The following MAL variants were observed in gnomAD, a reference collection of about 807,000 sequenced individuals.
The protein encoded by MAL is mal, T cell differentiation protein (MAL blood group), also known as myelin and lymphocyte protein.
In MAL, 5 loss-of-function variants were observed where a neutral mutation model predicts 16.7. The observed-to-expected ratio is 0.30, with a 90% CI of 0.16 to 0.63. The LOEUF (loss-of-function observed/expected upper bound fraction) is 0.63, where lower values mean the gene tolerates loss of function less well. MAL is among the 30% of genes least tolerant of loss of function. The probability of loss-of-function intolerance (pLI) is 0.82; values close to 1 mark genes in which losing one functional copy is unlikely to be tolerated. For synonymous variants in MAL, 96 were observed against 85.5 expected, an observed-to-expected ratio of 1.12 and a Z score of -0.67; for missense variants, 202 against 195.8, an observed-to-expected ratio of 1.03 and a Z score of -0.19.
intron 3 of MAL, among the ~76,000 whole-genome samples, chr2:95,052,720 G>A (rs372472322): frequency 2.6e-5 from 4 of 152,310 alleles, no homozygotes; most frequent in African/African-American, 9.6e-5. Context: ...TCCCCAGAAA[G>A]CAGGGCCATC....
intron 3 of MAL, among the ~76,000 whole-genome samples, chr2:95,050,791 T>G (rs1418766372): frequency 6.6e-6 from 1 of 152,164 alleles, no homozygotes; most frequent in Non-Finnish European, 1.5e-5. Context: ...GGTCCCGCGG[T>G]GTGGAAACAT....
intron 1 of MAL, among the ~76,000 whole-genome samples, chr2:95,047,694 G>A (rs944921877): frequency 3.3e-5 from 5 of 152,218 alleles, no homozygotes; most frequent in African/African-American, 1.2e-4. Flanking sequence ...TCACGCCTGG[G>A]TGACAGAGCA....
In MAL at chr2:95,053,629, C is replaced by T. The variant is rs550895681; in HGVS notation, c.*174C>T. On this transcript the variant is annotated 3_prime_UTR_variant, in exon 4 of 4. Transcript: ENST00000309988. ...CTGTTGCTCGTGGGTGCTGTGTTTACTCTCCCGTGTGCCTTCGCGTCCGGG... is the reference window on the plus strand; with the variant it reads ...CTGTTGCTCGTGGGTGCTGTGTTTATTCTCCCGTGTGCCTTCGCGTCCGGG... 4.9e-6 allele frequency: 3 copies of T among 609,760 alleles called. No individual in the cohort carries two copies. The highest frequency in any genetic ancestry group is 8.7e-6 in the Non-Finnish European group (3 of 346,336). The allele number at this position is 609,760 out of a possible 1,614,324, so 37.8% of individuals were successfully genotyped here.
At chr2:95,026,253 T>G (rs1366553234) in intron 1 of MAL, 1 of 198,020 alleles carries the variant, frequency 5.0e-6, no homozygotes, top group Non-Finnish European at 1.0e-5. Context: ...TTTGCGCGGT[T>G]GGGTAGAAGT....
At chr2:95,040,834 T>G (rs1337394793) in intron 1 of MAL, among the ~76,000 whole-genome samples, 6 of 152,178 alleles carry the variant, frequency 3.9e-5, no homozygotes, top group Non-Finnish European at 8.8e-5. Context: ...GTGCACAGCC[T>G]CTGTTCTGTG....
Position 95,025,768 on chromosome 2 carries a change from C to G in MAL, c.-25C>G. Reference sequence around the variant, plus strand: ...GAGTCTGAGCGGCGCTCGTCCCGTCCCAAGGCCGACGCCAGCACGCCGTCA... The same window carrying G: ...GAGTCTGAGCGGCGCTCGTCCCGTCGCAAGGCCGACGCCAGCACGCCGTCA... On this transcript the variant is annotated 5_prime_UTR_variant, in exon 1 of 4. Transcript: ENST00000309988. The surrounding 1 kb of genome is among the most constrained non-coding windows in gnomAD (Gnocchi z 5.6). 4 of 1,507,768 alleles carry G rather than the reference C, an allele frequency of 2.7e-6. No homozygotes were observed. Among genetic ancestry groups the G allele is most frequent in the Non-Finnish European group, 3.6e-6 (4 of 1,121,798 alleles). 93.4% of individuals were successfully genotyped at this position (1,507,768 alleles called of 1,614,324 possible).
At chr2:95,048,219 A>G in intron 2 of MAL, 93 bp downstream of exon 2, 1 of 1,309,280 alleles carries the variant, frequency 7.6e-7, no homozygotes, top group Non-Finnish European at 1.1e-6. Context: ...GTGCCAGGTG[A>G]GACTTCTCCG....
In MAL at chr2:95,032,230, C is replaced by T. The variant is rs138359280; in HGVS notation, c.93+6345C>T. Reference sequence around the variant, plus strand: ...GAATTTTGCACCTATACTCGCCACACCAGCAGGCGAGGGGCAGAGCATATT... The same window carrying T: ...GAATTTTGCACCTATACTCGCCACATCAGCAGGCGAGGGGCAGAGCATATT... On this transcript the variant is annotated intron_variant, in intron 1 of 3. Transcript: ENST00000309988. Among the ~76,000 whole-genome samples, 56 of 152,378 alleles carry T rather than the reference C, an allele frequency of 3.7e-4. No individual in the cohort carries two copies. The East Asian group carries it at 0.01, about 28-fold the overall frequency.
intron 1 of MAL, among the ~76,000 whole-genome samples, chr2:95,037,488 GTGAGTGAC>G (rs1246348057): frequency 7.3e-5 from 11 of 151,424 alleles, no homozygotes; most frequent in East Asian, 5.9e-4. Context: ...GAGTGACTGA[GTGAGTGAC>G]TGAGTGACTG....
intron 1 of MAL, among the ~76,000 whole-genome samples, chr2:95,040,000 G>A (rs1674405182): frequency 6.6e-6 from 1 of 152,078 alleles, no homozygotes; most frequent in South Asian, 2.1e-4. Flanking sequence ...CTCCTGCTCT[G>A]TGCATATTCA....
chr2:95,035,453 G>A (rs1163786756), intron 1 of MAL, among the ~76,000 whole-genome samples: 1 of 152,132 alleles, frequency 6.6e-6, no homozygotes, highest in Non-Finnish European at 1.5e-5. Context: ...GATCTGAGAG[G>A]AGTTTTTGTG....
chr2:95,050,618 C>T (rs1437795921), intron 3 of MAL, among the ~76,000 whole-genome samples: 1 of 152,192 alleles, frequency 6.6e-6, no homozygotes, highest in Non-Finnish European at 1.5e-5. Flanking sequence ...TGCCTCTTCC[C>T]ACTCCCAGAA....
chr2:95,048,323 G>A (rs1674637431), intron 2 of MAL, among the ~76,000 whole-genome samples, 197 bp downstream of exon 2: 1 of 152,144 alleles, frequency 6.6e-6, no homozygotes, highest in African/African-American at 2.4e-5. Flanking sequence ...GGTCGCCGCT[G>A]CCAACCCTCA....
chr2:95,025,933 G>A lies in MAL; in HGVS notation c.93+48G>A. 1 of 1,456,466 alleles carries A rather than the reference G, an allele frequency of 6.9e-7. No individual in the cohort carries two copies. The highest frequency in any genetic ancestry group is 9.3e-7 in the Non-Finnish European group (1 of 1,078,118). 90.2% of individuals were successfully genotyped at this position (1,456,466 alleles called of 1,614,324 possible). A position where few individuals can be genotyped will look rare whatever the true frequency, so the allele number is the denominator to read the frequency against. On this transcript the variant is annotated intron_variant, in intron 1 of 3. Transcript: ENST00000309988. This position sits in a 1 kb window ranked among gnomAD's most constrained non-coding sequence, Gnocchi z 5.6. The stretch of plus-strand genomic sequence containing the variant: ...AGGGACGGGGTGGGCTGAGCCGTGC[G>A]CTCTCTCGGGCGCCCAGCACAGCTG...
intron 1 of MAL, 66 bp from the exon 2 acceptor site, chr2:95,047,893 T>C (rs1674626232): frequency 6.6e-7 from 1 of 1,523,690 alleles, no homozygotes; most frequent in Admixed American, 1.8e-5. Flanking sequence ...TGACCGCTGG[T>C]CGGGGGCCCT....
At position 95,039,463 on chromosome 2, in the gene MAL, G is replaced by GGTGA. The variant is rs1415135698; in HGVS notation, c.94-8485_94-8482dup. Among the ~76,000 whole-genome samples the GGTGA allele has an allele frequency of 9.7e-5, 9 of 93,162 alleles. No homozygotes were observed. In the East Asian group the frequency reaches 2.2e-3, roughly 23 times the overall value. The allele number at this position is 93,162 out of a possible 152,430, so 61.1% of individuals were successfully genotyped here. A position where few individuals can be genotyped will look rare whatever the true frequency, so the allele number is the denominator to read the frequency against. On this transcript the variant is annotated intron_variant, in intron 1 of 3. Coordinates refer to ENST00000309988, the MANE Select transcript of MAL (RefSeq NM_002371.4). ...GAGTGAGTGAGTGAGTGAGTGAGTG[G>GGTGA]GTGAGTGAGTGAGTAAGTGACTGAG...
intron 1 of MAL, among the ~76,000 whole-genome samples, chr2:95,028,492 T>C (rs958330400): frequency 6.6e-6 from 1 of 152,086 alleles, no homozygotes; most frequent in Admixed American, 6.5e-5. Flanking sequence ...GAATGTGAAA[T>C]GGTTCAGCCA....
Position 95,038,660 on chromosome 2 carries a change from GTGACTGAGTGAGTGAC to G in MAL, c.94-9279_94-9264del, listed in dbSNP as rs1362571567. ...AGTGACTGAGTGAGTGAGTGACTGT[GTGACTGAGTGAGTGAC>G]TGACTGAGTGAGTGACTGAGTGACT... On this transcript the variant is annotated intron_variant, in intron 1 of 3. Transcript: ENST00000309988. Among the ~76,000 whole-genome samples, 7 of 149,738 alleles carry G rather than the reference GTGACTGAGTGAGTGAC, an allele frequency of 4.7e-5. No homozygotes were observed. The East Asian group carries it at 1.0e-3, about 21-fold the overall frequency.
chr2:95,031,695 G>A (rs1275536923), intron 1 of MAL, among the ~76,000 whole-genome samples: 7 of 152,220 alleles, frequency 4.6e-5, no homozygotes, highest in Non-Finnish European at 8.8e-5. Context: ...GGCAGGCCCC[G>A]CTTGGCCAGA....
Sources: gnomAD v4.1 joint callset for allele counts (sites outside exome capture counted in the v4.1 genomes callset) on GRCh38, gnomAD v4.1.1 for gene constraint, Gnocchi (gnomAD v3.1) non-coding constraint, MANE v1.5 for transcripts, NCBI Gene and HGNC (gene_info 2026-07-23, HGNC 2026-07-21) for gene names.